The following GALNS variants were observed in gnomAD, a reference collection of about 807,000 sequenced individuals.
The protein encoded by GALNS is galactosamine (N-acetyl)-6-sulfatase, also known as N-acetylgalactosamine-6-sulfatase.
In GALNS, 65 loss-of-function variants were observed where a neutral mutation model predicts 65.9. The ratio of observed to expected loss-of-function variants is 0.99; its 90% CI spans 0.81 to 1.21. GALNS has a LOEUF of 1.21. Among genes scored for constraint, GALNS ranks in the 50% most tolerant of loss-of-function variants. GALNS has a pLI of 0.00. For missense variants in GALNS, 776 were observed against 700.7 expected (o/e 1.11, Z -1.21); for synonymous variants, 346 against 288.9 (o/e 1.20, Z -2.00).
chr16:88,826,915 C>G, intron 9 of GALNS, 77 bp from the exon 10 acceptor site: 1 of 1,517,832 alleles, frequency 6.6e-7, no homozygotes, highest in Non-Finnish European at 8.9e-7. Context: ...CCTGGGGGGG[C>G]GTGAGCCCCG....
At chr16:88,817,002 A>C (rs1909698615) in intron 13 of GALNS, 1 of 985,260 alleles carries the variant, frequency 1.0e-6, no homozygotes, top group South Asian at 4.7e-5. Flanking sequence ...CAGGAGCGAC[A>C]CCGCAGACCT....
intron 13 of GALNS, among the ~76,000 whole-genome samples, 179 bp downstream of exon 13, chr16:88,817,828 T>C (rs909786826): frequency 6.6e-6 from 1 of 152,234 alleles, no homozygotes; most frequent in East Asian, 1.9e-4. Flanking sequence ...GTCGCTTGGC[T>C]CCTGCCTCCC....
chr16:88,832,742 C>T (rs539821060), intron 8 of GALNS, among the ~76,000 whole-genome samples: 8 of 152,252 alleles, frequency 5.3e-5, no homozygotes, highest in African/African-American at 1.9e-4. Context: ...CTCTCAGCTT[C>T]GGGTCCCCTG....
At chr16:88,825,091 A>AGCTC (rs1910684627) in intron 10 of GALNS, among the ~76,000 whole-genome samples, 8 of 86,636 alleles carry the variant, frequency 9.2e-5, no homozygotes, top group South Asian at 3.9e-4. Flanking sequence ...GGCTGGGGTG[A>AGCTC]CTGGGTATCT....
intron 13 of GALNS, chr16:88,816,130 T>C (rs1909597023): frequency 1.0e-6 from 1 of 984,728 alleles, no homozygotes; most frequent in Non-Finnish European, 1.2e-6. Context: ...GTTGGCACTT[T>C]TCCCCCTGCA....
At chr16:88,816,858 T>C (rs113826955) in intron 13 of GALNS, 2 of 985,310 alleles carry the variant, frequency 2.0e-6, no homozygotes, top group Admixed American at 6.1e-5. Flanking sequence ...AGGGGCCTTC[T>C]TCCCGAATCC....
At chr16:88,839,611 TGA>T (rs138024186) in intron 4 of GALNS, among the ~76,000 whole-genome samples, 211 of 152,296 alleles carry the variant, frequency 1.4e-3, no homozygotes, top group Non-Finnish European at 2.2e-3. Context: ...CCTACTGCCC[TGA>T]GAGGGGACCC....
intron 8 of GALNS, among the ~76,000 whole-genome samples, chr16:88,834,892 G>A (rs999926694): frequency 6.6e-6 from 1 of 152,118 alleles, no homozygotes; most frequent in African/African-American, 2.4e-5. Flanking sequence ...CTGCTCCACC[G>A]GCCCTGCTGT....
rs551750566 is a variant in GALNS, at chr16:88,815,433, C to T, written c.1483-908G>A. The stretch of plus-strand genomic sequence containing the variant: ...CTGCGCTGCTGGGCTCAGTTCAGTG[C>T]GGTGCTGAGCGGAGCCCGCACCCCT... On this transcript the variant is annotated intron_variant, in intron 13 of 13. Coordinates refer to ENST00000268695, the MANE Select transcript of GALNS (RefSeq NM_000512.5). 1.6e-4 allele frequency: 156 copies of T among 985,482 alleles called. 3 individuals carry two copies. The South Asian group carries it at 4.0e-3, about 25-fold the overall frequency. 61.0% of individuals were successfully genotyped at this position (985,482 alleles called of 1,614,324 possible). A position where few individuals can be genotyped will look rare whatever the true frequency, so the allele number is the denominator to read the frequency against.
In GALNS at chr16:88,831,990, T is replaced by C; in HGVS notation, c.1002+8A>G. The stretch of plus-strand genomic sequence containing the variant: ...TGCTGCCCGGCAGACCGGTGGACGC[T>C]GACTCACCTGGCCTGCAGTGACGTG... On this transcript the variant is annotated splice_region_variant and intron_variant, in intron 9 of 13. Coordinates refer to ENST00000268695, the MANE Select transcript of GALNS (RefSeq NM_000512.5). The C allele has an allele frequency of 2.5e-6, 4 of 1,611,576 alleles. No homozygotes were observed. Among genetic ancestry groups the C allele is most frequent in the East Asian group, 4.5e-5 (2 of 44,852 alleles).
Position 88,816,980 on chromosome 16 carries a change from G to C in GALNS, c.1482+1027C>G, listed in dbSNP as rs1433856508. ...CGGCCATCTCCACTGTGCTCGGTGGGCTCTGGGCACCCAGGAGCGACACCG... is the reference window on the plus strand; with the variant it reads ...CGGCCATCTCCACTGTGCTCGGTGGCCTCTGGGCACCCAGGAGCGACACCG... On this transcript the variant is annotated intron_variant, in intron 13 of 13. Transcript: ENST00000268695. The C allele has an allele frequency of 3.0e-6, 3 of 985,338 alleles. No individual in the cohort carries two copies. In the African/African-American group the frequency reaches 5.2e-5, roughly 17 times the overall value. The allele number at this position is 985,338 out of a possible 1,614,324, so 61.0% of individuals were successfully genotyped here.
chr16:88,833,945 G>A (rs1911795046), intron 8 of GALNS, among the ~76,000 whole-genome samples: 1 of 152,222 alleles, frequency 6.6e-6, no homozygotes, highest in African/African-American at 2.4e-5. Context: ...CTGCTGGCTG[G>A]TGGTTGTGGG....
At chr16:88,838,454 G>C (rs1478113050) in intron 4 of GALNS, 1 of 152,896 alleles carries the variant, frequency 6.5e-6, no homozygotes, top group African/African-American at 2.4e-5. Context: ...TCACCTGCTG[G>C]GAATGGCCAT....
chr16:88,828,271 C>T (rs1277902244), intron 9 of GALNS, among the ~76,000 whole-genome samples: 5 of 92,916 alleles, frequency 5.4e-5, no homozygotes, highest in Admixed American at 3.3e-4. Context: ...CTTGTGGTGC[C>T]GGCAGGGCGG....
At position 88,853,417 on chromosome 16, in the gene GALNS, AG is replaced by A. The variant is rs1567546391; in HGVS notation, c.120+3340del. Among the ~76,000 whole-genome samples, 13 of 152,180 alleles carry A rather than the reference AG, an allele frequency of 8.5e-5. No individual in the cohort carries two copies. The South Asian group carries it at 2.5e-3, about 29-fold the overall frequency. On this transcript the variant is annotated intron_variant, in intron 1 of 13. Transcript: ENST00000268695. ...CTATGGGATTATTATGAAGACGAGC[AG>A]GCCAGTGCTTGTCTGTTTCAAACGA...
intron 9 of GALNS, among the ~76,000 whole-genome samples, chr16:88,830,576 G>A (rs1290283170): frequency 6.6e-6 from 1 of 152,222 alleles, no homozygotes; most frequent in African/African-American, 2.4e-5. Flanking sequence ...TGAAGAAACA[G>A]CGGTCGTTTA....
chr16:88,853,677 C>T (rs538494505), intron 1 of GALNS, among the ~76,000 whole-genome samples: 1 of 152,276 alleles, frequency 6.6e-6, no homozygotes, highest in African/African-American at 2.4e-5. Context: ...CTCCAAGGCC[C>T]CAGAAGCCCT....
chr16:88,848,823 C>T (rs1021057711), intron 1 of GALNS, among the ~76,000 whole-genome samples: 3 of 152,186 alleles, frequency 2.0e-5, no homozygotes, highest in East Asian at 1.9e-4. Context: ...CCCCGGGGAC[C>T]GCGGGAGGAC....
chr16:88,837,725 C>T lies in GALNS; in HGVS notation c.463G>A (p.Gly155Arg), dbSNP rs398123438. 27 of 1,613,916 alleles carry T rather than the reference C, an allele frequency of 1.7e-5. No homozygotes were observed. Among genetic ancestry groups the T allele is most frequent in the Admixed American group, 5.0e-5 (3 of 59,990 alleles). ...GGGGATCCAAACCACTCATCAAATC[C>T]GTGCTTCAGGGGGTGGAACTGGGGC... ...HRPQFHPLKH[G>R]FDEWFGSPNC... is the part of the protein sequence containing the mutation. The change falls in exon 5 of 14, where the codon GGA becomes AGA. Residue 155 changes from glycine (G) to arginine (R), a missense_variant. Coordinates refer to ENST00000268695, the MANE Select transcript of GALNS (RefSeq NM_000512.5).
Sources: allele counts gnomAD v4.1 joint callset (sites outside exome capture counted in the v4.1 genomes callset), GRCh38; gene constraint gnomAD v4.1.1; transcripts MANE v1.5; gene names NCBI Gene and HGNC (gene_info 2026-07-23, HGNC 2026-07-21).